Variants in SSX7 observed in about 807,000 individuals in gnomAD.
SSX7 encodes protein SSX7.
A neutral mutation model predicts 14.7 loss-of-function variants in SSX7; 15 were observed. The ratio of observed to expected loss-of-function variants is 1.02; its 90% confidence interval spans 0.68 to 1.58. The LOEUF is 1.58. SSX7 is among the 40% of genes most tolerant of loss of function. SSX7 has a pLI of 0.00. For missense variants in SSX7, 178 were observed against 146.8 expected (o/e 1.21, Z -1.10); for synonymous variants, 46 against 50.6 (o/e 0.91, Z 0.38).
intron 4 of SSX7, among the ~76,000 whole-genome samples, chrX:52,651,180 T>G (rs1182929209): frequency 2.7e-5 from 3 of 111,901 alleles, no homozygotes; most frequent in Non-Finnish European, 5.6e-5. Context: ...TCTTTCAAAC[T>G]CTCTTCCAAG....
chrX:52,651,520 C>T (rs1360300855), intron 4 of SSX7, among the ~76,000 whole-genome samples: 1 of 111,579 alleles, frequency 9.0e-6, no homozygotes, highest in African/African-American at 3.3e-5. Context: ...TGAGTCCAGT[C>T]GGATCTCAAC....
rs782137846 is a variant in SSX7 at position 52,653,394 on chromosome X, G to A, written c.69+10C>T. 8.3e-7 allele frequency: 1 copy of A among 1,209,117 alleles called. No individual in the cohort carries two copies. Among genetic ancestry groups the A allele is most frequent in the Non-Finnish European group, 1.1e-6 (1 of 894,946 alleles). ...TGGGCCACTACTCTGCTCCCTCCAG[G>A]TCACCTCACCTTTTGGATCTTCTCT... On this transcript the variant is annotated intron_variant, in intron 2 of 7. Coordinates refer to ENST00000298181, the MANE Select transcript of SSX7 (RefSeq NM_173358.2).
rs375841531 is a variant in SSX7 at position 52,648,444 on chromosome X, T to C, written c.331-48A>G. 5.0e-6 allele frequency: 6 copies of C among 1,198,783 alleles called. No individual in the cohort carries two copies. The African/African-American group carries it at 1.1e-4, about 21-fold the overall frequency. ...ATAAACAGAATCAGTGACATTTCTA[T>C]AGTGCTTTAGAGCTTACAAAGCGTC... On this transcript the variant is annotated intron_variant, in intron 5 of 7. Coordinates refer to ENST00000298181, the MANE Select transcript of SSX7 (RefSeq NM_173358.2).
chrX:52,645,886 G>A (rs181688103), intron 6 of SSX7, among the ~76,000 whole-genome samples: 1 of 110,293 alleles, frequency 9.1e-6, no homozygotes, highest in Admixed American at 9.7e-5. Context: ...TTTTCATAGT[G>A]CTTCACAGAT....
At chrX:52,646,480 C>A (rs1925253440) in intron 6 of SSX7, among the ~76,000 whole-genome samples, 1 of 112,834 alleles carries the variant, frequency 8.9e-6, no homozygotes, top group Non-Finnish European at 1.9e-5. Flanking sequence ...GTATCCATCC[C>A]TTCAACCACT....
rs1484650427 is a variant in SSX7 at position 52,648,525 on chromosome X, C to T, written c.331-129G>A. 61 of 1,014,417 alleles carry T rather than the reference C, an allele frequency of 6.0e-5. No individual in the cohort carries two copies. The African/African-American group carries it at 1.1e-3, about 18-fold the overall frequency. 83.6% of individuals were successfully genotyped at this position (1,014,417 alleles called of 1,213,427 possible). On this transcript the variant is annotated intron_variant, in intron 5 of 7. Coordinates refer to ENST00000298181, the MANE Select transcript of SSX7 (RefSeq NM_173358.2). ...AACAATGCTGGGAGAGTTACACATG[C>T]CTAAATTAGGAGAAACCTGGGAAGT...
At chrX:52,653,336 TC>T (rs1225020263) in intron 2 of SSX7, 67 bp downstream of exon 2, 1 of 1,207,569 alleles carries the variant, frequency 8.3e-7, no homozygotes, top group African/African-American at 1.8e-5. Context: ...TGTCCTCCCC[TC>T]CTCAGAAACT....
chrX:52,646,362 C>T (rs1290634170), intron 6 of SSX7, among the ~76,000 whole-genome samples: 1 of 112,505 alleles, frequency 8.9e-6, no homozygotes, highest in Non-Finnish European at 1.9e-5. Context: ...GGCGCCCGTC[C>T]GTGTTTTTTA....
Position 52,648,263 on chromosome X carries a change from G to A in SSX7, c.464C>T (p.Ser155Phe). ...PSTSEKINKT[S>F]GPKRGKHAWT... is the part of the protein sequence containing the mutation. ...GTTCCCGAATTCTTTCCTCTTACCG[G>A]ATGTCTTGTTAATCTTCTCAGAGGT... Residue 155 changes from serine to phenylalanine, a missense_variant and splice_region_variant, in exon 6 of 8, where the codon TCC becomes TTC. Coordinates refer to ENST00000298181, the MANE Select transcript of SSX7 (RefSeq NM_173358.2). The A allele has an allele frequency of 8.3e-7, 1 of 1,209,213 alleles. No individual in the cohort carries two copies. Among genetic ancestry groups the A allele is most frequent in the Admixed American group, 2.2e-5 (1 of 45,657 alleles).
At chrX:52,651,473 A>G (rs189183623) in intron 4 of SSX7, among the ~76,000 whole-genome samples, 9 of 112,345 alleles carry the variant, frequency 8.0e-5, no homozygotes, top group Non-Finnish European at 1.3e-4. Context: ...TAAAAAAGAA[A>G]TATTTCAAAC....
At chrX:52,648,970 G>C (rs1925338649) in intron 5 of SSX7, among the ~76,000 whole-genome samples, 1 of 111,558 alleles carries the variant, frequency 9.0e-6, no homozygotes, top group Non-Finnish European at 1.9e-5. Flanking sequence ...CAGTGAGGTG[G>C]TACCCATACC....
intron 4 of SSX7, among the ~76,000 whole-genome samples, chrX:52,651,358 C>T (rs1450895772): frequency 1.8e-5 from 2 of 112,115 alleles, no homozygotes; most frequent in Admixed American, 9.5e-5. Flanking sequence ...AAGTTTTTGG[C>T]GAATCTACAG....
chrX:52,644,616 G>T lies in SSX7; in HGVS notation c.*59C>A. On this transcript the variant is annotated 3_prime_UTR_variant, in exon 8 of 8. Coordinates refer to ENST00000298181, the MANE Select transcript of SSX7 (RefSeq NM_173358.2). ...GGGGTCCGCAGCCATGCCCATGTTCGTGAAAGGTCACCACGTTCTGCTTCT... is the reference window on the plus strand; with the variant it reads ...GGGGTCCGCAGCCATGCCCATGTTCTTGAAAGGTCACCACGTTCTGCTTCT... 2 of 1,195,596 alleles carry T rather than the reference G, an allele frequency of 1.7e-6. No homozygotes were observed. Among genetic ancestry groups the T allele is most frequent in the African/African-American group, 3.5e-5 (2 of 57,677 alleles).
At chrX:52,648,795 C>T (rs1234581319) in intron 5 of SSX7, among the ~76,000 whole-genome samples, 8 of 111,543 alleles carry the variant, frequency 7.2e-5, no homozygotes, top group Non-Finnish European at 1.5e-4. Flanking sequence ...AATGTAAAAA[C>T]ATAGAGAGGG....
At chrX:52,653,088 T>A in intron 2 of SSX7, 104 bp from the exon 3 acceptor site, 1 of 1,174,248 alleles carries the variant, frequency 8.5e-7, no homozygotes, top group Non-Finnish European at 1.1e-6. Flanking sequence ...GTGGGGATGA[T>A]GCCATGGCTA....
At position 52,653,431 on chromosome X, in the gene SSX7, AC is replaced by A; in HGVS notation, c.41del (p.Gly14ValfsTer27). The A allele has an allele frequency of 8.3e-7, 1 of 1,211,462 alleles. No homozygotes were observed. Among genetic ancestry groups the A allele is most frequent in the African/African-American group, 1.7e-5 (1 of 57,751 alleles). The stretch of plus-strand genomic sequence containing the variant: ...TTTGGATCTTCTCTGGTATTTGAGC[AC>A]CAGCCCTAGGTCTCCTTGCAAAGGC... ...DDAFARRPRA[G>X]AQIPEKIQKS... On this transcript the variant is annotated frameshift_variant, in exon 2 of 8. Coordinates refer to ENST00000298181, the MANE Select transcript of SSX7 (RefSeq NM_173358.2). LOFTEE classifies it high-confidence loss of function.
At chrX:52,650,444 T>C in intron 4 of SSX7, 42 bp from the exon 5 acceptor site, 1 of 1,169,720 alleles carries the variant, frequency 8.5e-7, no homozygotes, top group Non-Finnish European at 1.2e-6. Flanking sequence ...TTGGTAAAGA[T>C]TTCCAAACTC....
Position 52,650,388 on chromosome X carries a change from T to A in SSX7, c.295A>T (p.Met99Leu). 1 of 1,210,278 alleles carries A rather than the reference T, an allele frequency of 8.3e-7. No homozygotes were observed. The highest frequency in any genetic ancestry group is 1.1e-6 in the Non-Finnish European group (1 of 894,326). Residue 99 changes from methionine (M) to leucine (L), a missense_variant, in exon 5 of 8, where the codon ATG (methionine) becomes TTG (leucine). Coordinates refer to ENST00000298181, the MANE Select transcript of SSX7 (RefSeq NM_173358.2). ...NQGNQVERPQMTFCRLQRIFP... is the reference protein window; with the variant it reads ...NQGNQVERPQLTFCRLQRIFP... ...ATTCTCTGGAGCCTGCAAAAAGTCA[T>A]CTGAGGACGTTCAACTGAAAGAGAA...
intron 1 of SSX7, among the ~76,000 whole-genome samples, chrX:52,654,303 C>G (rs184375450): frequency 9.2e-6 from 1 of 109,171 alleles, no homozygotes; most frequent in East Asian, 2.9e-4. Flanking sequence ...GTGGTGTGCA[C>G]CTCTAGTCCC....
Sources: gnomAD v4.1 joint callset for allele counts (sites outside exome capture counted in the v4.1 genomes callset) on GRCh38, gnomAD v4.1.1 for gene constraint, MANE v1.5 for transcripts, NCBI Gene and HGNC (gene_info 2026-07-23, HGNC 2026-07-21) for gene names.